The following SRPK2 variants were observed in gnomAD, a reference collection of about 807,000 sequenced individuals.
SRPK2 encodes the protein SFRS protein kinase 2.
A neutral mutation model predicts 90.8 loss-of-function variants in SRPK2; 21 were observed. That is an observed-to-expected ratio of 0.23 (90% CI 0.16 to 0.33). SRPK2 has a LOEUF of 0.33. Among genes scored for constraint, SRPK2 ranks in the 10% least tolerant of loss-of-function variants. The pLI is 1.00. For missense variants in SRPK2, 620 were observed against 869.0 expected, an observed-to-expected ratio of 0.71 and a Z score of 3.60; for synonymous variants, 288 against 311.1, an observed-to-expected ratio of 0.93 and a Z score of 0.78.
chr7:105,141,980 C>T (rs954585815), intron 11 of SRPK2, 28 bp downstream of exon 11: 2 of 1,580,452 alleles, frequency 1.3e-6, no homozygotes, highest in Admixed American at 3.7e-5. Context: ...TCAGCGATGG[C>T]AGACAGTTGA....
intron 2 of SRPK2, among the ~76,000 whole-genome samples, chr7:105,350,535 T>TTA (rs1408919711): frequency 6.7e-6 from 1 of 149,386 alleles, no homozygotes; most frequent in Admixed American, 6.7e-5. Context: ...TTTTCTTTTT[T>TTA]TTTTTTTTTT....
intron 11 of SRPK2, 93 bp downstream of exon 11, chr7:105,141,915 T>A: frequency 7.0e-7 from 1 of 1,435,972 alleles, no homozygotes; most frequent in Non-Finnish European, 9.4e-7. Flanking sequence ...CACACAGGGC[T>A]TGGCCACTTC....
chr7:105,191,492 T>C (rs931464544), intron 3 of SRPK2, among the ~76,000 whole-genome samples: 4 of 152,120 alleles, frequency 2.6e-5, no homozygotes, highest in African/African-American at 9.7e-5. Flanking sequence ...TGGGAGGTTG[T>C]AGTAGTAGTG....
At chr7:105,148,297 T>C (rs983304644) in intron 7 of SRPK2, among the ~76,000 whole-genome samples, 4 of 152,194 alleles carry the variant, frequency 2.6e-5, no homozygotes, top group African/African-American at 9.6e-5. Flanking sequence ...TTGATTTAAA[T>C]AGAAAATAGC....
At chr7:105,239,834 T>C (rs1800583418) in intron 2 of SRPK2, among the ~76,000 whole-genome samples, 1 of 152,230 alleles carries the variant, frequency 6.6e-6, no homozygotes, top group East Asian at 1.9e-4. Context: ...ACTAGGATCT[T>C]CGCAGCAGTG....
chr7:105,389,307 C>G, upstream of SRPK2: 1 of 1,280,628 alleles, frequency 7.8e-7, no homozygotes, highest in South Asian at 1.2e-5. Flanking sequence ...CCGCGGGTCT[C>G]GCACCACCTC....
intron 11 of SRPK2, 95 bp from the exon 12 acceptor site, chr7:105,133,199 G>C (rs901778485): frequency 4.4e-6 from 5 of 1,138,152 alleles, no homozygotes; most frequent in Non-Finnish European, 6.6e-6. Context: ...CTTTCCTCAA[G>C]AGTAGTGGAA....
At chr7:105,139,475 T>C (rs756030578) in intron 11 of SRPK2, among the ~76,000 whole-genome samples, 1 of 152,134 alleles carries the variant, frequency 6.6e-6, no homozygotes, top group Non-Finnish European at 1.5e-5. Context: ...GCAACAAGTG[T>C]AGGAAATACA....
chr7:105,364,405 G>GTTGTTTTTTT (rs1554523240), intron 2 of SRPK2, among the ~76,000 whole-genome samples: 1 of 133,906 alleles, frequency 7.5e-6, no homozygotes, highest in Non-Finnish European at 1.6e-5. Context: ...CGTGTGTAAC[G>GTTGTTTTTTT]TTTTTTTTTT....
intron 11 of SRPK2, among the ~76,000 whole-genome samples, chr7:105,140,014 A>G (rs1803474817): frequency 6.6e-6 from 1 of 152,144 alleles, no homozygotes; most frequent in African/African-American, 2.4e-5. Context: ...ACCTACATAT[A>G]TCTTCCTATA....
At position 105,132,956 on chromosome 7, in the gene SRPK2, C is replaced by T. The variant is rs78838820; in HGVS notation, c.1644+48G>A. The T allele has an allele frequency of 6.1e-3, 9,885 of 1,612,428 alleles. 35 individuals are homozygous for T. The highest frequency in any genetic ancestry group is 7.0e-3 in the Non-Finnish European group (8,206 of 1,178,486). ...AACACAGACATTCAAAAAGTGTCTT[C>T]GCACACAGAATCAAGACCAAAGGTT... On this transcript the variant is annotated intron_variant, in intron 12 of 15. Transcript: ENST00000393651.
intron 2 of SRPK2, among the ~76,000 whole-genome samples, chr7:105,331,337 A>AC (rs1554512430): frequency 1.4e-5 from 2 of 141,830 alleles, no homozygotes; most frequent in Non-Finnish European, 3.1e-5. Context: ...AAAAAAAAAA[A>AC]CAAATAGTTA....
intron 2 of SRPK2, among the ~76,000 whole-genome samples, chr7:105,237,298 GCATATTCCTA>G (rs1286533493): frequency 6.6e-6 from 1 of 152,150 alleles, no homozygotes; most frequent in Non-Finnish European, 1.5e-5. Flanking sequence ...ATAACATCCT[GCATATTCCTA>G]CTCCCCACTG....
intron 2 of SRPK2, among the ~76,000 whole-genome samples, chr7:105,230,348 G>A (rs371944716): frequency 1.3e-5 from 2 of 152,118 alleles, no homozygotes; most frequent in Admixed American, 6.5e-5. Flanking sequence ...CAGGGCATAC[G>A]TCCAATATAA....
At chr7:105,217,890 C>A (rs950165102) in intron 2 of SRPK2, among the ~76,000 whole-genome samples, 6 of 152,200 alleles carry the variant, frequency 3.9e-5, no homozygotes, top group African/African-American at 1.4e-4. Context: ...ATCCAATTTC[C>A]AGTCTCCTGT....
At chr7:105,182,453 C>CTT (rs71152944) in intron 3 of SRPK2, among the ~76,000 whole-genome samples, 1,183 of 116,510 alleles carry the variant, frequency 0.01, 31 homozygotes, top group African/African-American at 0.038. Flanking sequence ...CCCCCCCCGC[C>CTT]TTTTTTTTTT....
chr7:105,234,338 T>C (rs1799875011), intron 2 of SRPK2, among the ~76,000 whole-genome samples: 1 of 152,208 alleles, frequency 6.6e-6, no homozygotes, highest in African/African-American at 2.4e-5. Context: ...TTTTGAAATG[T>C]AAACTAATAT....
intron 2 of SRPK2, chr7:105,245,028 A>AC: frequency 1.8e-6 from 1 of 562,122 alleles, no homozygotes. Context: ...AAAACAAAAC[A>AC]AAACAAACAC....
chr7:105,232,432 C>G (rs1250613747), intron 2 of SRPK2, among the ~76,000 whole-genome samples: 2 of 144,730 alleles, frequency 1.4e-5, no homozygotes, highest in African/African-American at 5.2e-5. Flanking sequence ...GCACTCCAGC[C>G]TGGGCAACAA....
Sources: gnomAD v4.1 joint callset for allele counts (sites outside exome capture counted in the v4.1 genomes callset) on GRCh38, gnomAD v4.1.1 for gene constraint, MANE v1.5 for transcripts, NCBI Gene and HGNC (gene_info 2026-07-23, HGNC 2026-07-21) for gene names.